SEMA5A: variants seen among roughly 807,000 people sequenced by gnomAD.
SEMA5A encodes the protein semaphorin 5A.
SEMA5A carries 55 observed loss-of-function variants against 135.5 expected under a neutral mutation model. The observed-to-expected ratio is 0.41, with a 90% CI of 0.33 to 0.51. SEMA5A has a LOEUF of 0.51. Among genes scored for constraint, SEMA5A ranks in the 20% least tolerant of loss-of-function variants. The probability of loss-of-function intolerance (pLI) is 0.37; values close to 1 mark genes in which losing one functional copy is unlikely to be tolerated. For missense variants in SEMA5A, 1,290 were observed against 1,419.9 expected, an observed-to-expected ratio of 0.91 and a Z score of 1.47; for synonymous variants, 580 against 546.5, an observed-to-expected ratio of 1.06 and a Z score of -0.85.
rs572269109 is a variant in SEMA5A at position 9,444,931 on chromosome 5, G to A, written c.-174-7079C>T. ...ACAAACAGGTTCTGAATGAAGTGGT[G>A]TCTCTAGCAGGGACAGCACTGATGC... On this transcript the variant is annotated intron_variant, in intron 1 of 22. Transcript: ENST00000382496. 2.2e-4 allele frequency among the ~76,000 whole-genome samples: 34 copies of A among 152,314 alleles called. 1 individual carries two copies. The East Asian group carries it at 5.6e-3, about 25-fold the overall frequency.
At chr5:9,269,227 C>T (rs973950644) in intron 5 of SEMA5A, among the ~76,000 whole-genome samples, 9 of 152,076 alleles carry the variant, frequency 5.9e-5, no homozygotes, top group African/African-American at 9.7e-5. Context: ...TACTCCCTTC[C>T]CCAGCTCTGT....
chr5:9,422,124 A>C (rs1757490812), intron 2 of SEMA5A, among the ~76,000 whole-genome samples: 1 of 152,234 alleles, frequency 6.6e-6, no homozygotes, highest in African/African-American at 2.4e-5. Flanking sequence ...GATCCAGTAC[A>C]AATAAAACTG....
At chr5:9,158,839 T>C (rs1743095606) in intron 11 of SEMA5A, among the ~76,000 whole-genome samples, 1 of 152,220 alleles carries the variant, frequency 6.6e-6, no homozygotes, top group African/African-American at 2.4e-5. Flanking sequence ...TACTTGTAAT[T>C]ACATGAAAAC....
intron 5 of SEMA5A, among the ~76,000 whole-genome samples, chr5:9,306,181 T>C (rs1186543758): frequency 6.6e-6 from 1 of 152,242 alleles, no homozygotes; most frequent in African/African-American, 2.4e-5. Flanking sequence ...AGTTGATACC[T>C]TTCATCACTT....
At chr5:9,356,634 G>A (rs1448355595) in intron 3 of SEMA5A, among the ~76,000 whole-genome samples, 1 of 152,190 alleles carries the variant, frequency 6.6e-6, no homozygotes, top group African/African-American at 2.4e-5. Context: ...TTGTGCAGCA[G>A]GATGGCATTA....
chr5:9,523,688 A>C (rs1035528154), intron 1 of SEMA5A, among the ~76,000 whole-genome samples: 11 of 152,204 alleles, frequency 7.2e-5, no homozygotes, highest in Admixed American at 5.9e-4. Flanking sequence ...TACAAAAATC[A>C]GCAAGTTCTT....
At chr5:9,163,993 A>G (rs1241970931) in intron 11 of SEMA5A, among the ~76,000 whole-genome samples, 2 of 144,570 alleles carry the variant, frequency 1.4e-5, no homozygotes, top group African/African-American at 2.5e-5. Context: ...ATTATATATT[A>G]TGTATATAAT....
At chr5:9,515,779 C>G (rs1278108065) in intron 1 of SEMA5A, among the ~76,000 whole-genome samples, 1 of 152,162 alleles carries the variant, frequency 6.6e-6, no homozygotes, top group Non-Finnish European at 1.5e-5. Context: ...AGTGTAAAAT[C>G]TGAAATTCAC....
In SEMA5A at chr5:9,372,812, A is replaced by C. The variant is rs577615346; in HGVS notation, c.124+7011T>G. 2.4e-4 allele frequency among the ~76,000 whole-genome samples: 37 copies of C among 152,352 alleles called. No individual in the cohort carries two copies. In the East Asian group the frequency reaches 6.6e-3, roughly 27 times the overall value. On this transcript the variant is annotated intron_variant, in intron 3 of 22. Coordinates refer to ENST00000382496, the MANE Select transcript of SEMA5A (RefSeq NM_003966.3). ...CACATGGACCTGTGGACACACATGG[A>C]GCCTAGCACAGAAACATCTCCTTCA... is the stretch of plus-strand genomic sequence containing the variant.
At chr5:9,112,443 T>C (rs755966777) in intron 15 of SEMA5A, among the ~76,000 whole-genome samples, 1 of 152,224 alleles carries the variant, frequency 6.6e-6, no homozygotes, top group Non-Finnish European at 1.5e-5. Context: ...TTCTGAACTA[T>C]TTTCTTCTTG....
At chr5:9,053,008 T>G (rs1345125100) in intron 19 of SEMA5A, among the ~76,000 whole-genome samples, 1 of 152,236 alleles carries the variant, frequency 6.6e-6, no homozygotes, top group Non-Finnish European at 1.5e-5. Context: ...GTGCCAGTTT[T>G]TGGAATGACA....
intron 8 of SEMA5A, among the ~76,000 whole-genome samples, chr5:9,215,369 T>C (rs1438676719): frequency 6.6e-6 from 1 of 151,712 alleles, no homozygotes; most frequent in Non-Finnish European, 1.5e-5. Context: ...CAAAAAAATA[T>C]GTTGAAGTCC....
intron 16 of SEMA5A, among the ~76,000 whole-genome samples, chr5:9,083,049 C>T (rs1738475791): frequency 2.0e-5 from 3 of 152,188 alleles, no homozygotes; most frequent in Admixed American, 6.5e-5. Context: ...TTAAGATTTA[C>T]TGCTCTAAAA....
chr5:9,136,511 G>T lies in SEMA5A; in HGVS notation c.1592C>A (p.Ala531Glu), dbSNP rs202102793. Residue 531 changes from alanine (A) to glutamate (E), a missense_variant, in exon 13 of 23, where the codon GCG becomes GAG. Physicochemically the swap from Ala to Glu is moderately radical, Grantham distance 107. Coordinates refer to ENST00000382496, the MANE Select transcript of SEMA5A (RefSeq NM_003966.3). ...GAGAAGGTGGGCACTCACCGGACAC[G>T]CAGAGATGCTCTGTTCCCACTGCGT... The part of the protein sequence containing the change: ...SMTQWEQSIS[A>E]CPTRNLTVDG... 1.9e-6 allele frequency: 3 copies of T among 1,613,432 alleles called. No homozygotes were observed. The highest frequency in any genetic ancestry group is 2.5e-6 in the Non-Finnish European group (3 of 1,179,376).
intron 1 of SEMA5A, among the ~76,000 whole-genome samples, chr5:9,447,539 C>T (rs1758478776): frequency 1.3e-5 from 2 of 152,306 alleles, no homozygotes; most frequent in South Asian, 4.2e-4. Context: ...CTCATTTTCG[C>T]ATTACGGCAT....
At chr5:9,163,472 T>G (rs1743409992) in intron 11 of SEMA5A, among the ~76,000 whole-genome samples, 2 of 152,230 alleles carry the variant, frequency 1.3e-5, no homozygotes. Flanking sequence ...GTAGCTAACA[T>G]GAATTTTATG....
At position 9,221,425 on chromosome 5, in the gene SEMA5A, C is replaced by A. The variant is rs370133152; in HGVS notation, c.646+3249G>T. ...TCACACCATTCTCCTGCCTCAGCCT[C>A]CCGAGTAGCTGGGACTACAGGCGCC... On this transcript the variant is annotated intron_variant, in intron 8 of 22. Transcript: ENST00000382496. Among the ~76,000 whole-genome samples, 21 of 150,878 alleles carry A rather than the reference C, an allele frequency of 1.4e-4. No homozygotes were observed. The East Asian group carries it at 3.3e-3, about 24-fold the overall frequency.
intron 1 of SEMA5A, among the ~76,000 whole-genome samples, chr5:9,491,974 T>C (rs17326694): frequency 0.29 from 44,438 of 152,130 alleles, 6,849 homozygotes; most frequent in East Asian, 0.54. Context: ...ATGACCAATC[T>C]TCCTGGATTA....
chr5:9,531,638 C>T (rs1020520046), intron 1 of SEMA5A, among the ~76,000 whole-genome samples: 1 of 152,154 alleles, frequency 6.6e-6, no homozygotes, highest in Non-Finnish European at 1.5e-5. Context: ...GAACCTGCAA[C>T]ATTGGTTCAG....
Sources: gnomAD v4.1 joint callset for allele counts (sites outside exome capture counted in the v4.1 genomes callset) on GRCh38, gnomAD v4.1.1 for gene constraint, MANE v1.5 for transcripts, NCBI Gene and HGNC (gene_info 2026-07-23, HGNC 2026-07-21) for gene names.